The following CSRNP2 variants were observed in gnomAD, a reference collection of about 807,000 sequenced individuals.
The protein encoded by CSRNP2 is cysteine and serine rich nuclear protein 2, also known as cysteine/serine-rich nuclear protein 2.
A neutral mutation model predicts 36.6 loss-of-function variants in CSRNP2; 11 were observed. The ratio of observed to expected loss-of-function variants is 0.30; its 90% CI spans 0.19 to 0.50. CSRNP2 has a LOEUF of 0.50. CSRNP2 is among the 20% of genes least tolerant of loss of function. The probability of loss-of-function intolerance (pLI) is 0.98; values close to 1 mark genes in which losing one functional copy is unlikely to be tolerated. For synonymous variants in CSRNP2, 248 were observed against 275.3 expected (o/e 0.90, Z 0.98); for missense variants, 483 against 691.4 (o/e 0.70, Z 3.38).
chr12:51,072,580 A>C (rs1275706311), intron 3 of CSRNP2, among the ~76,000 whole-genome samples: 2 of 146,320 alleles, frequency 1.4e-5, no homozygotes, highest in Admixed American at 6.9e-5. Flanking sequence ...AAAAAAAAAA[A>C]AAAAAAAAAA....
At chr12:51,066,412 G>A (rs1050258820) in intron 4 of CSRNP2, among the ~76,000 whole-genome samples, 37 of 147,112 alleles carry the variant, frequency 2.5e-4, no homozygotes, top group Admixed American at 7.7e-4. Context: ...GAGATCACGC[G>A]CTACGGCACT....
At chr12:51,077,801 G>A (rs1939455158) in intron 1 of CSRNP2, among the ~76,000 whole-genome samples, 1 of 152,150 alleles carries the variant, frequency 6.6e-6, no homozygotes, top group Admixed American at 6.5e-5. Context: ...TCAGCAAGGG[G>A]AAAACAAATA....
At position 51,063,076 on chromosome 12, in the gene CSRNP2, A is replaced by G. The variant is rs1260703485; in HGVS notation, c.*670T>C. The G allele has an allele frequency of 6.6e-6, 1 of 152,280 alleles. No individual in the cohort carries two copies. The highest frequency in any genetic ancestry group is 1.5e-5 in the Non-Finnish European group (1 of 68,056). The allele number at this position is 152,280 out of a possible 1,614,324, so 9.4% of individuals were successfully genotyped here. A position where few individuals can be genotyped will look rare whatever the true frequency, so the allele number is the denominator to read the frequency against. The stretch of plus-strand genomic sequence containing the variant: ...ACACATAGACAAGTTTAACTCTAGT[A>G]CTTAAGAACATGTGGAAGAAACAAT... On this transcript the variant is annotated 3_prime_UTR_variant, in exon 5 of 5. Coordinates refer to ENST00000228515, the MANE Select transcript of CSRNP2 (RefSeq NM_030809.3).
At chr12:51,074,128 T>C in intron 2 of CSRNP2, 46 bp from the exon 3 acceptor site, 2 of 1,566,240 alleles carry the variant, frequency 1.3e-6, no homozygotes, top group Non-Finnish European at 1.7e-6. Context: ...TTTCTATTTA[T>C]TTATTTAGAG....
At position 51,067,977 on chromosome 12, in the gene CSRNP2, G is replaced by A. The variant is rs1182279252; in HGVS notation, c.412-8C>T. 3 of 1,611,534 alleles carry A rather than the reference G, an allele frequency of 1.9e-6. No homozygotes were observed. Among genetic ancestry groups the A allele is most frequent in the South Asian group, 1.1e-5 (1 of 90,836 alleles). ...TGTCCCATTCTTGGTCAGCTGCCAA[G>A]AGACAGGAAAGGTTAGCCTCATAGA... On this transcript the variant is annotated splice_region_variant and splice_polypyrimidine_tract_variant and intron_variant, in intron 3 of 4. Transcript: ENST00000228515. The surrounding 1 kb of genome is among the most constrained non-coding windows in gnomAD (Gnocchi z 4.1).
At chr12:51,073,764 CCAAT>C in intron 3 of CSRNP2, 55 bp downstream of exon 3, 1 of 1,511,374 alleles carries the variant, frequency 6.6e-7, no homozygotes, top group Non-Finnish European at 8.9e-7. Flanking sequence ...AACCAACCAA[CCAAT>C]GAACCTAAAT....
At chr12:51,077,469 C>G (rs1281872714) in intron 1 of CSRNP2, among the ~76,000 whole-genome samples, 1 of 152,154 alleles carries the variant, frequency 6.6e-6, no homozygotes, top group Non-Finnish European at 1.5e-5. Flanking sequence ...AAGGAACCCA[C>G]TGTTTCCAAG....
At chr12:51,074,818 G>C (rs749711938) in intron 2 of CSRNP2, among the ~76,000 whole-genome samples, 3 of 152,126 alleles carry the variant, frequency 2.0e-5, no homozygotes, top group Non-Finnish European at 4.4e-5. Context: ...TGTAATCCCA[G>C]CACTTTGGGA....
At position 51,061,393 on chromosome 12, in the gene CSRNP2, A is replaced by G. The variant is rs930458616; in HGVS notation, c.*2353T>C. ...TTGGAAAATAATAAGGGTTGTGGTA[A>G]TAAGAGTCATTTATCTAGGCCTAGA... On this transcript the variant is annotated 3_prime_UTR_variant, in exon 5 of 5. Transcript: ENST00000228515. The G allele has an allele frequency of 1.3e-5, 2 of 152,648 alleles. No individual in the cohort carries two copies. Among genetic ancestry groups the G allele is most frequent in the African/African-American group, 4.8e-5 (2 of 41,456 alleles). The allele number at this position is 152,648 out of a possible 1,614,324, so 9.5% of individuals were successfully genotyped here.
Position 51,062,378 on chromosome 12 carries a change from G to C in CSRNP2, c.*1368C>G, listed in dbSNP as rs1419835532. 1.3e-5 allele frequency: 2 copies of C among 152,150 alleles called. No individual in the cohort carries two copies. Among genetic ancestry groups the C allele is most frequent in the Admixed American group, 6.5e-5 (1 of 15,270 alleles). 9.4% of individuals were successfully genotyped at this position (152,150 alleles called of 1,614,324 possible). Reference sequence around the variant, plus strand: ...TTTGCTCCCTACTGCCTCCATTTTAGAACAGAGACAAAGATCACTTTGCTA... The same window carrying C: ...TTTGCTCCCTACTGCCTCCATTTTACAACAGAGACAAAGATCACTTTGCTA... On this transcript the variant is annotated 3_prime_UTR_variant, in exon 5 of 5. Coordinates refer to ENST00000228515, the MANE Select transcript of CSRNP2 (RefSeq NM_030809.3).
chr12:51,064,172 A>C lies in CSRNP2; in HGVS notation c.1206T>G (p.Thr402=), dbSNP rs775088380. The change falls in exon 5 of 5, where the codon ACT becomes ACG. Residue 402 remains threonine, a synonymous_variant. Transcript: ENST00000228515. ...LCFTENSDHP[T]ASTVNSPSYL... is the part of the protein sequence containing the mutation. ...AGGATGGGCTGTTCACCGTTGAGGCAGTTGGGTGGTCTGAGTTCTCGGTAA... is the reference window on the plus strand; with the variant it reads ...AGGATGGGCTGTTCACCGTTGAGGCCGTTGGGTGGTCTGAGTTCTCGGTAA... 36 of 1,613,992 alleles carry C rather than the reference A, an allele frequency of 2.2e-5. No individual in the cohort carries two copies. Among genetic ancestry groups the C allele is most frequent in the Middle Eastern group, 1.6e-4 (1 of 6,084 alleles).
intron 3 of CSRNP2, among the ~76,000 whole-genome samples, chr12:51,070,979 T>A (rs1023671175): frequency 2.0e-5 from 3 of 151,882 alleles, no homozygotes; most frequent in Non-Finnish European, 2.9e-5. Context: ...CTACAAAAAC[T>A]GGCCGGACAT....
chr12:51,073,698 C>G, intron 3 of CSRNP2, 125 bp downstream of exon 3: 1 of 1,064,738 alleles, frequency 9.4e-7, no homozygotes, highest in Non-Finnish European at 1.3e-6. Context: ...TGCACTCCAG[C>G]CCGGGCGACA....
intron 3 of CSRNP2, among the ~76,000 whole-genome samples, chr12:51,072,680 C>A (rs1187819197): frequency 6.6e-6 from 1 of 150,388 alleles, no homozygotes; most frequent in African/African-American, 2.5e-5. Context: ...GTGGCAGGCA[C>A]AGTATTATAC....
At chr12:51,075,180 C>A (rs1276131238) in intron 2 of CSRNP2, among the ~76,000 whole-genome samples, 1 of 152,114 alleles carries the variant, frequency 6.6e-6, no homozygotes, top group East Asian at 1.9e-4. Flanking sequence ...GGCACAATCA[C>A]GGCTCACTGC....
intron 1 of CSRNP2, among the ~76,000 whole-genome samples, chr12:51,082,083 T>C (rs1176980782): frequency 3.3e-5 from 5 of 152,164 alleles, no homozygotes; most frequent in Admixed American, 2.0e-4. Context: ...TGTAGCTGGG[T>C]TGGAAGGAAG....
At chr12:51,071,714 C>G (rs528093228) in intron 3 of CSRNP2, among the ~76,000 whole-genome samples, 57 of 152,324 alleles carry the variant, frequency 3.7e-4, no homozygotes, top group African/African-American at 1.3e-3. Flanking sequence ...CCCTAGAATT[C>G]CTGTAAGTGG....
chr12:51,070,225 AC>A (rs1938999310), intron 3 of CSRNP2, among the ~76,000 whole-genome samples: 1 of 152,220 alleles, frequency 6.6e-6, no homozygotes, highest in African/African-American at 2.4e-5. Context: ...TGCTAAAGGA[AC>A]AACTCCTGGG....
chr12:51,079,604 A>T (rs945324994), intron 1 of CSRNP2, among the ~76,000 whole-genome samples: 3 of 71,014 alleles, frequency 4.2e-5, no homozygotes, highest in African/African-American at 1.3e-4. Context: ...TCCACTAAAA[A>T]TCCAAAAAAA....
Sources: allele counts gnomAD v4.1 joint callset (sites outside exome capture counted in the v4.1 genomes callset), GRCh38; gene constraint gnomAD v4.1.1; non-coding constraint Gnocchi (gnomAD v3.1); transcripts MANE v1.5; gene names NCBI Gene and HGNC (gene_info 2026-07-23, HGNC 2026-07-21).